The following NKAIN2 variants were observed in gnomAD, a reference collection of about 807,000 sequenced individuals.
The protein encoded by NKAIN2 is sodium/potassium transporting ATPase interacting 2, also known as sodium/potassium-transporting ATPase subunit beta-1-interacting protein 2.
A neutral mutation model predicts 32.6 loss-of-function variants in NKAIN2; 14 were observed. The observed-to-expected ratio is 0.43, with a 90% CI of 0.28 to 0.67. The LOEUF is 0.67. NKAIN2 is among the 30% of genes least tolerant of loss of function. NKAIN2 has a pLI of 0.17. For missense variants in NKAIN2, 198 were observed against 258.3 expected, an observed-to-expected ratio of 0.77 and a Z score of 1.60; for synonymous variants, 80 against 87.2, an observed-to-expected ratio of 0.92 and a Z score of 0.46.
At chr6:124,293,787 A>G (rs1795925193) in intron 2 of NKAIN2, among the ~76,000 whole-genome samples, 1 of 152,058 alleles carries the variant, frequency 6.6e-6, no homozygotes. Context: ...CATTTCATGT[A>G]TTAATATCTC....
chr6:124,391,522 A>G (rs1773140542), intron 3 of NKAIN2, among the ~76,000 whole-genome samples: 1 of 152,154 alleles, frequency 6.6e-6, no homozygotes, highest in Admixed American at 6.5e-5. Context: ...TCTACAGAGC[A>G]GTGGACTCTG....
At chr6:123,930,874 A>G (rs1283537446) in intron 1 of NKAIN2, among the ~76,000 whole-genome samples, 3 of 152,162 alleles carry the variant, frequency 2.0e-5, no homozygotes, top group African/African-American at 4.8e-5. Context: ...AGAGTGTACA[A>G]TAATATGGGG....
At chr6:124,534,563 T>C (rs573982036) in intron 3 of NKAIN2, among the ~76,000 whole-genome samples, 2 of 152,374 alleles carry the variant, frequency 1.3e-5, no homozygotes, top group South Asian at 4.1e-4. Flanking sequence ...TATGTATGTT[T>C]GAGTATGACA....
At chr6:124,702,228 A>AT (rs1239070561) in intron 4 of NKAIN2, among the ~76,000 whole-genome samples, 1 of 152,078 alleles carries the variant, frequency 6.6e-6, no homozygotes, top group Admixed American at 6.6e-5. Flanking sequence ...TTTGATATTC[A>AT]TTTTTTTGTG....
chr6:124,800,655 A>C (rs1780213957), intron 5 of NKAIN2, among the ~76,000 whole-genome samples: 1 of 152,220 alleles, frequency 6.6e-6, no homozygotes, highest in South Asian at 2.1e-4. Context: ...TTATCGGGAA[A>C]GGAAATTAGG....
intron 2 of NKAIN2, among the ~76,000 whole-genome samples, chr6:124,346,980 G>T (rs62434713): frequency 0.024 from 3,613 of 152,188 alleles, 83 homozygotes; most frequent in Non-Finnish European, 0.034. Context: ...TACCGGTTGT[G>T]CCTTTCCATG....
chr6:124,043,403 C>G (rs1164253158), intron 1 of NKAIN2, among the ~76,000 whole-genome samples: 2 of 151,908 alleles, frequency 1.3e-5, no homozygotes, highest in African/African-American at 2.4e-5. Flanking sequence ...TACAGGAGTG[C>G]TAAAACGTTC....
intron 1 of NKAIN2, among the ~76,000 whole-genome samples, chr6:123,906,003 A>C (rs1489689154): frequency 1.3e-5 from 2 of 152,220 alleles, no homozygotes; most frequent in African/African-American, 4.8e-5. Flanking sequence ...TAATTTTTAA[A>C]AACAAATTCT....
At chr6:124,319,610 G>A (rs750393845) in intron 2 of NKAIN2, among the ~76,000 whole-genome samples, 1 of 152,014 alleles carries the variant, frequency 6.6e-6, no homozygotes, top group Non-Finnish European at 1.5e-5. Flanking sequence ...TGAATCTCAG[G>A]TACTTTTATT....
chr6:124,559,468 C>T (rs1361247660), intron 3 of NKAIN2, among the ~76,000 whole-genome samples: 4 of 152,156 alleles, frequency 2.6e-5, no homozygotes, highest in Admixed American at 6.5e-5. Context: ...GTCTCAACTA[C>T]GCACTTCTCA....
chr6:124,054,457 C>T (rs1462371873), intron 1 of NKAIN2, among the ~76,000 whole-genome samples: 1 of 151,996 alleles, frequency 6.6e-6, no homozygotes, highest in African/African-American at 2.4e-5. Context: ...TCAGGCAGTA[C>T]CTATTAAATA....
chr6:124,652,202 T>G (rs1242595650), intron 3 of NKAIN2, among the ~76,000 whole-genome samples: 1 of 152,310 alleles, frequency 6.6e-6, no homozygotes, highest in East Asian at 1.9e-4. Context: ...TCTGCCACTT[T>G]ATATCAAGGA....
intron 1 of NKAIN2, among the ~76,000 whole-genome samples, chr6:124,192,907 G>A (rs907312882): frequency 1.3e-5 from 2 of 151,776 alleles, no homozygotes; most frequent in Admixed American, 6.6e-5. Flanking sequence ...CCGCCACCGC[G>A]CGCAGCTACT....
chr6:124,163,885 G>A lies in NKAIN2; in HGVS notation c.55-119120G>A, dbSNP rs574987698. Among the ~76,000 whole-genome samples the A allele has an allele frequency of 1.2e-3, 178 of 152,082 alleles. 1 individual carries two copies. The highest frequency in any genetic ancestry group is 1.2e-3 in the Non-Finnish European group (82 of 67,908). On this transcript the variant is annotated intron_variant, in intron 1 of 6. Transcript: ENST00000368417. ...ACAGTTAGTCTCCATTGATACAAAC[G>A]ATGGATTAAGATAATACGAACTGAA...
At chr6:124,071,308 T>C (rs1309579814) in intron 1 of NKAIN2, among the ~76,000 whole-genome samples, 1 of 152,168 alleles carries the variant, frequency 6.6e-6, no homozygotes, top group Admixed American at 6.6e-5. Context: ...TTTCACCATA[T>C]ACAAAAATTA....
Position 124,824,323 on chromosome 6 carries a change from T to G in NKAIN2, c.*1094T>G, listed in dbSNP as rs904339692. ...TTGAAGACTCTACGTAGGTGAACTT[T>G]TTTTTCTAACTTCAGTGTACAAGAT... On this transcript the variant is annotated 3_prime_UTR_variant, in exon 7 of 7. Transcript: ENST00000368417. 6.6e-5 allele frequency: 10 copies of G among 152,604 alleles called. No individual in the cohort carries two copies. Among genetic ancestry groups the G allele is most frequent in the Admixed American group, 1.3e-4 (2 of 15,276 alleles). The allele number at this position is 152,604 out of a possible 1,614,324, so 9.5% of individuals were successfully genotyped here.
intron 3 of NKAIN2, among the ~76,000 whole-genome samples, chr6:124,598,845 C>A (rs1326655253): frequency 6.6e-6 from 1 of 152,016 alleles, no homozygotes; most frequent in African/African-American, 2.4e-5. Context: ...TACTTGGCCT[C>A]CTTTTATGGA....
intron 4 of NKAIN2, among the ~76,000 whole-genome samples, chr6:124,698,100 G>C (rs1774590445): frequency 6.6e-6 from 1 of 152,148 alleles, no homozygotes; most frequent in African/African-American, 2.4e-5. Flanking sequence ...GGCTCCAGGT[G>C]ATTTCTATTT....
intron 6 of NKAIN2, among the ~76,000 whole-genome samples, chr6:124,818,923 G>A (rs897566038): frequency 3.3e-5 from 5 of 152,028 alleles, no homozygotes; most frequent in African/African-American, 1.2e-4. Flanking sequence ...TATATGTAGT[G>A]TTAAGAAAAT....
Sources: gnomAD v4.1 joint callset for allele counts (sites outside exome capture counted in the v4.1 genomes callset) on GRCh38, gnomAD v4.1.1 for gene constraint, MANE v1.5 for transcripts, NCBI Gene and HGNC (gene_info 2026-07-23, HGNC 2026-07-21) for gene names.